KIF26B: variants seen among roughly 807,000 people sequenced by gnomAD.
KIF26B encodes the protein kinesin family member 26B, also known as kinesin-like protein KIF26B.
KIF26B carries 63 observed loss-of-function variants against 151.2 expected under a neutral mutation model. That is an observed-to-expected ratio of 0.42 (90% CI 0.34 to 0.51). The LOEUF is 0.51. Ranked by LOEUF, KIF26B falls within the 20% of genes least tolerant of loss-of-function variation. KIF26B has a pLI of 0.07. For synonymous variants in KIF26B, 1,357 were observed against 1,262.1 expected (o/e 1.08, Z -1.59); for missense variants, 2,813 against 2,913.6 (o/e 0.97, Z 0.79).
Position 245,686,678 on chromosome 1 carries a change from T to C in KIF26B, c.3695T>C (p.Ile1232Thr). 1.2e-6 allele frequency: 2 copies of C among 1,612,448 alleles called. No individual in the cohort carries two copies. The highest frequency in any genetic ancestry group is 1.7e-6 in the Non-Finnish European group (2 of 1,179,406). ...TCGGGCTCGCGGCCCGTCAGCATCA[T>C]CAGCAGCATCAGCGAGGACCTGGAG... is the stretch of plus-strand genomic sequence containing the variant. Reference protein sequence around the residue: ...LASGSRPVSIISSISEDLECY... With the variant: ...LASGSRPVSITSSISEDLECY... Residue 1232 changes from isoleucine (I) to threonine (T), a missense_variant, in exon 12 of 15, where the codon ATC becomes ACC. Ile to Thr is a moderately conservative substitution (Grantham distance 89). This residue lies in a region of KIF26B where 2,060 missense variants were observed against 2,088.6 expected (regional missense o/e 0.99). Transcript: ENST00000407071. This position sits in a 1 kb window ranked among gnomAD's most constrained non-coding sequence, Gnocchi z 5.6.
intron 9 of KIF26B, among the ~76,000 whole-genome samples, chr1:245,637,750 A>C (rs2043850709): frequency 6.6e-6 from 1 of 151,964 alleles, no homozygotes; most frequent in South Asian, 2.1e-4. Context: ...CCATTTATTA[A>C]AGAGATTGTC....
intron 2 of KIF26B, among the ~76,000 whole-genome samples, chr1:245,336,391 C>G (rs1292992435): frequency 2.0e-5 from 3 of 152,200 alleles, no homozygotes; most frequent in Non-Finnish European, 4.4e-5. Context: ...CCGTGCAAGA[C>G]AGGGGTCATG....
chr1:245,612,992 C>G (rs1572158254), intron 9 of KIF26B, among the ~76,000 whole-genome samples: 1 of 152,138 alleles, frequency 6.6e-6, no homozygotes, highest in African/African-American at 2.4e-5. Context: ...CTGAATGTCT[C>G]CAGTGGGGAT....
At chr1:245,331,204 T>C (rs745706468) in intron 2 of KIF26B, among the ~76,000 whole-genome samples, 77 of 152,092 alleles carry the variant, frequency 5.1e-4, no homozygotes, top group Admixed American at 1.3e-3. Context: ...GACCGAGACA[T>C]GGATCGCGCT....
chr1:245,304,699 C>CCATCCATCCA lies in KIF26B; in HGVS notation c.466-62135_466-62134insCATCCATCCA, dbSNP rs1553342834. On this transcript the variant is annotated intron_variant, in intron 2 of 14. Transcript: ENST00000407071. The stretch of plus-strand genomic sequence containing the variant: ...TGTCCATCCATCCATACGTCCATCC[C>CCATCCATCCA]TCCATCCATCCATCCATCCATCCAT... 4.9e-3 allele frequency among the ~76,000 whole-genome samples: 732 copies of CCATCCATCCA among 150,654 alleles called. 6 individuals carry two copies. The highest frequency in any genetic ancestry group is 0.013 in the African/African-American group (535 of 40,284).
chr1:245,570,893 G>A (rs186925548), intron 5 of KIF26B, among the ~76,000 whole-genome samples: 2 of 152,246 alleles, frequency 1.3e-5, no homozygotes, highest in African/African-American at 4.8e-5. Context: ...CTATGTGTTA[G>A]AGCCACATAT....
intron 9 of KIF26B, among the ~76,000 whole-genome samples, chr1:245,639,616 C>T (rs1313282909): frequency 6.6e-6 from 1 of 151,710 alleles, no homozygotes; most frequent in Non-Finnish European, 1.5e-5. Flanking sequence ...ATAGAACTTT[C>T]CATTAGTGCT....
chr1:245,264,341 A>G (rs968526363), intron 2 of KIF26B, among the ~76,000 whole-genome samples: 1 of 152,234 alleles, frequency 6.6e-6, no homozygotes, highest in African/African-American at 2.4e-5. Context: ...TACTGCATAG[A>G]GTGAATGTTC....
intron 3 of KIF26B, among the ~76,000 whole-genome samples, chr1:245,417,707 A>G (rs1225086886): frequency 1.3e-5 from 2 of 152,256 alleles, no homozygotes; most frequent in African/African-American, 4.8e-5. Flanking sequence ...GTGAACCCAC[A>G]GGTCGCTGAC....
At chr1:245,510,874 T>C in intron 4 of KIF26B, 1 of 575,366 alleles carries the variant, frequency 1.7e-6, no homozygotes, top group Non-Finnish European at 3.1e-6. Flanking sequence ...GAGGCCAGGA[T>C]CATGGTTTAG....
chr1:245,295,678 T>A (rs1671324611), intron 2 of KIF26B, among the ~76,000 whole-genome samples: 1 of 152,180 alleles, frequency 6.6e-6, no homozygotes, highest in Admixed American at 6.5e-5. Context: ...GAGATGACGA[T>A]TCTGTTTACT....
chr1:245,311,906 G>A (rs964475932), intron 2 of KIF26B, among the ~76,000 whole-genome samples: 1 of 152,192 alleles, frequency 6.6e-6, no homozygotes, highest in African/African-American at 2.4e-5. Context: ...CTGCAGCCTG[G>A]GCGACAGAGC....
chr1:245,680,519 G>A (rs2044420673), intron 10 of KIF26B, among the ~76,000 whole-genome samples: 1 of 152,160 alleles, frequency 6.6e-6, no homozygotes, highest in African/African-American at 2.4e-5. Flanking sequence ...TGGGTGGGGA[G>A]TCGCGGAAAT....
chr1:245,280,766 C>T (rs1468249452), intron 2 of KIF26B, among the ~76,000 whole-genome samples: 1 of 120,330 alleles, frequency 8.3e-6, no homozygotes, highest in Non-Finnish European at 1.7e-5. Flanking sequence ...CCCCCTACCC[C>T]ACAACAGTCC....
chr1:245,518,061 G>A (rs1460669099), intron 4 of KIF26B, among the ~76,000 whole-genome samples: 2 of 151,934 alleles, frequency 1.3e-5, no homozygotes, highest in South Asian at 2.1e-4. Flanking sequence ...TAGTAGAGAC[G>A]AGGGTTCACC....
intron 2 of KIF26B, among the ~76,000 whole-genome samples, chr1:245,181,381 GT>G (rs1305762659): frequency 6.6e-6 from 1 of 152,112 alleles, no homozygotes; most frequent in Non-Finnish European, 1.5e-5. Flanking sequence ...TTGAAAGTAG[GT>G]TATCGATTAG....
chr1:245,662,299 C>A (rs899530998), intron 10 of KIF26B, among the ~76,000 whole-genome samples: 1 of 149,252 alleles, frequency 6.7e-6, no homozygotes, highest in East Asian at 2.0e-4. Flanking sequence ...TATACTCACA[C>A]ACACCCTATA....
At chr1:245,290,848 C>T (rs1283588271) in intron 2 of KIF26B, among the ~76,000 whole-genome samples, 4 of 152,220 alleles carry the variant, frequency 2.6e-5, no homozygotes, top group Non-Finnish European at 5.9e-5. Context: ...CACTGCAAAA[C>T]TTAGTGTCTT....
Position 245,621,189 on chromosome 1 carries a change from G to T in KIF26B, c.2098+9213G>T, listed in dbSNP as rs551091060. On this transcript the variant is annotated intron_variant, in intron 9 of 14. Transcript: ENST00000407071. ...CAGGGTGATTCCAACGGGCAGCAAA[G>T]TTTGGGAGGAACTACGACGGTGCGG... Among the ~76,000 whole-genome samples the T allele has an allele frequency of 5.9e-5, 9 of 152,330 alleles. No individual in the cohort carries two copies. In the East Asian group the frequency reaches 1.7e-3, roughly 29 times the overall value.
Sources: allele counts gnomAD v4.1 joint callset (sites outside exome capture counted in the v4.1 genomes callset), GRCh38; gene constraint gnomAD v4.1.1; regional missense constraint gnomAD v4.1.1; non-coding constraint Gnocchi (gnomAD v3.1); transcripts MANE v1.5; gene names NCBI Gene and HGNC (gene_info 2026-07-23, HGNC 2026-07-21).